PHACTR3: variants seen among roughly 807,000 people sequenced by gnomAD.
PHACTR3 encodes the protein protein phosphatase 1, regulatory subunit 123.
PHACTR3 carries 16 observed loss-of-function variants against 66.8 expected under a neutral mutation model. The observed-to-expected ratio is 0.24, with a 90% CI of 0.16 to 0.36. The LOEUF (loss-of-function observed/expected upper bound fraction) is 0.36. Ranked by LOEUF, PHACTR3 falls within the 10% of genes least tolerant of loss-of-function variation. The probability of loss-of-function intolerance (pLI) is 1.00; values close to 1 mark genes in which losing one functional copy is unlikely to be tolerated. For missense variants in PHACTR3, 647 were observed against 719.9 expected (o/e 0.90, Z 1.16); for synonymous variants, 323 against 292.1 (o/e 1.11, Z -1.08).
chr20:59,829,091 C>G lies in PHACTR3; in HGVS notation c.1329-7414C>G, dbSNP rs1010672278. On this transcript the variant is annotated intron_variant, in intron 8 of 12. Transcript: ENST00000371015. The surrounding 1 kb of genome is among the most constrained non-coding windows in gnomAD (Gnocchi z 4.2). ...TGGTGGCTGGAGCCAGCCCCTGAGC[C>G]CAGGATGCTGGGCACGGAGCAGGTG... Among the ~76,000 whole-genome samples, 3 of 151,940 alleles carry G rather than the reference C, an allele frequency of 2.0e-5. No individual in the cohort carries two copies. Among genetic ancestry groups the G allele is most frequent in the Admixed American group, 2.0e-4 (3 of 15,272 alleles).
intron 1 of PHACTR3, among the ~76,000 whole-genome samples, chr20:59,721,751 G>A (rs2038310242): frequency 6.6e-6 from 1 of 152,164 alleles, no homozygotes. Flanking sequence ...CCCATCCTGA[G>A]GGCGGAGGAA....
intron 1 of PHACTR3, among the ~76,000 whole-genome samples, chr20:59,624,935 T>A (rs951654809): frequency 6.6e-6 from 1 of 152,142 alleles, no homozygotes; most frequent in Non-Finnish European, 1.5e-5. Context: ...ATCCTTAGTA[T>A]TTTTCTAATG....
chr20:59,679,367 G>A (rs528637830), intron 1 of PHACTR3, among the ~76,000 whole-genome samples: 4 of 152,272 alleles, frequency 2.6e-5, no homozygotes, highest in Admixed American at 6.5e-5. Context: ...GCACACACAC[G>A]AAACTCAGCA....
chr20:59,675,951 T>TGGGCCC (rs763639028), intron 1 of PHACTR3, among the ~76,000 whole-genome samples: 1 of 152,238 alleles, frequency 6.6e-6, no homozygotes, highest in East Asian at 1.9e-4. Context: ...GGCCTGGGCC[T>TGGGCCC]GGGCCCGGAA....
At chr20:59,612,048 G>A (rs1254308039) in intron 1 of PHACTR3, among the ~76,000 whole-genome samples, 1 of 152,148 alleles carries the variant, frequency 6.6e-6, no homozygotes, top group Non-Finnish European at 1.5e-5. Flanking sequence ...GCAGGTAGTG[G>A]GTGTGTCCTG....
chr20:59,834,786 A>T (rs1034643848), intron 8 of PHACTR3, among the ~76,000 whole-genome samples: 5 of 151,912 alleles, frequency 3.3e-5, no homozygotes, highest in Non-Finnish European at 7.4e-5. Context: ...GGCATTGACC[A>T]CTCTCTCAGA....
chr20:59,741,789 G>A (rs2039171219), intron 1 of PHACTR3, among the ~76,000 whole-genome samples: 1 of 147,380 alleles, frequency 6.8e-6, no homozygotes, highest in South Asian at 2.1e-4. Context: ...TTGAGACAGA[G>A]TCTCACCCTG....
At chr20:59,750,506 G>C (rs866259665) in intron 3 of PHACTR3, among the ~76,000 whole-genome samples, 1 of 152,204 alleles carries the variant, frequency 6.6e-6, no homozygotes, top group African/African-American at 2.4e-5. Flanking sequence ...AGTCCCCGCG[G>C]TGGAAGGGAC....
chr20:59,625,026 G>A (rs1303322179), intron 1 of PHACTR3, among the ~76,000 whole-genome samples: 1 of 152,118 alleles, frequency 6.6e-6, no homozygotes, highest in Non-Finnish European at 1.5e-5. Flanking sequence ...TTGCTGTGAC[G>A]CCTTTTCTGA....
intron 1 of PHACTR3, among the ~76,000 whole-genome samples, chr20:59,678,928 A>G (rs2036546666): frequency 7.0e-6 from 1 of 142,360 alleles, no homozygotes. Flanking sequence ...TTGCAGCCCC[A>G]CTGGCAGAGT....
chr20:59,741,200 G>A (rs554260754), intron 1 of PHACTR3, among the ~76,000 whole-genome samples: 4 of 152,338 alleles, frequency 2.6e-5, no homozygotes, highest in African/African-American at 9.6e-5. Context: ...CATCAGCTTA[G>A]GGCTCCCAGC....
At chr20:59,589,766 A>G (rs560748658) in intron 1 of PHACTR3, among the ~76,000 whole-genome samples, 19 of 152,376 alleles carry the variant, frequency 1.2e-4, no homozygotes, top group Non-Finnish European at 4.4e-5. Flanking sequence ...TTATTTAAAC[A>G]TGAAAGATCT....
At chr20:59,658,098 C>G (rs1240764786) in intron 1 of PHACTR3, among the ~76,000 whole-genome samples, 2 of 152,074 alleles carry the variant, frequency 1.3e-5, no homozygotes, top group African/African-American at 2.4e-5. Flanking sequence ...TTGATCCCCT[C>G]TAGTGAATTT....
chr20:59,617,610 G>A (rs554455843), intron 1 of PHACTR3, among the ~76,000 whole-genome samples: 1 of 152,274 alleles, frequency 6.6e-6, no homozygotes, highest in South Asian at 2.1e-4. Flanking sequence ...TTAGCAAGGA[G>A]GAGGTGGAAG....
intron 7 of PHACTR3, among the ~76,000 whole-genome samples, chr20:59,797,895 A>ACATCAGTGTTTTT (rs1223829147): frequency 2.0e-5 from 3 of 151,610 alleles, no homozygotes; most frequent in Admixed American, 6.6e-5. Context: ...TTAGAGTTTT[A>ACATCAGTGTTTTT]CATCAGTGTT....
intron 1 of PHACTR3, among the ~76,000 whole-genome samples, chr20:59,588,781 T>C (rs2033109537): frequency 6.6e-6 from 1 of 151,784 alleles, no homozygotes; most frequent in South Asian, 2.1e-4. Flanking sequence ...GTTGAATGAG[T>C]GGACACGTGA....
At chr20:59,786,140 G>T (rs1373110976) in intron 7 of PHACTR3, among the ~76,000 whole-genome samples, 1 of 152,200 alleles carries the variant, frequency 6.6e-6, no homozygotes. Flanking sequence ...GCCTGGGGCT[G>T]GGATCCTCCC....
intron 1 of PHACTR3, among the ~76,000 whole-genome samples, chr20:59,599,493 C>G (rs1441912671): frequency 6.6e-6 from 1 of 151,954 alleles, no homozygotes; most frequent in Non-Finnish European, 1.5e-5. Context: ...GTTTACAACC[C>G]CATTGTGATG....
intron 1 of PHACTR3, among the ~76,000 whole-genome samples, chr20:59,695,215 C>T (rs2037253524): frequency 6.6e-6 from 1 of 152,100 alleles, no homozygotes; most frequent in African/African-American, 2.4e-5. Context: ...GGATTTCTGT[C>T]CCCATCCAAA....
Sources: allele counts gnomAD v4.1 joint callset (sites outside exome capture counted in the v4.1 genomes callset), GRCh38; gene constraint gnomAD v4.1.1; non-coding constraint Gnocchi (gnomAD v3.1); transcripts MANE v1.5; gene names NCBI Gene and HGNC (gene_info 2026-07-23, HGNC 2026-07-21).